The following DOK5 variants were observed in gnomAD, a reference collection of about 807,000 sequenced individuals.
The protein encoded by DOK5 is docking protein 5.
Under a neutral mutation model 43.3 loss-of-function variants are expected in DOK5, and 27 were observed. That is an observed-to-expected ratio of 0.62 (90% confidence interval 0.46 to 0.86). The LOEUF (loss-of-function observed/expected upper bound fraction) is 0.86, where lower values mean the gene tolerates loss of function less well. DOK5 is among the 40% of genes least tolerant of loss of function. The probability of loss-of-function intolerance (pLI) is 0.00; values close to 1 mark genes in which losing one functional copy is unlikely to be tolerated. For missense variants in DOK5, 373 were observed against 392.9 expected, an observed-to-expected ratio of 0.95 and a Z score of 0.43; for synonymous variants, 146 against 140.1, an observed-to-expected ratio of 1.04 and a Z score of -0.30.
At chr20:54,646,282 T>A (rs1428324118) in intron 7 of DOK5, among the ~76,000 whole-genome samples, 3 of 113,540 alleles carry the variant, frequency 2.6e-5, no homozygotes, top group African/African-American at 6.2e-5. Flanking sequence ...TGAGACAGGG[T>A]CTGGCTCTTC....
chr20:54,518,559 A>T (rs189887246), intron 1 of DOK5, among the ~76,000 whole-genome samples: 1 of 152,248 alleles, frequency 6.6e-6, no homozygotes, highest in Admixed American at 6.5e-5. Context: ...AGTCTTTGCT[A>T]TTGTGAATAG....
intron 1 of DOK5, among the ~76,000 whole-genome samples, chr20:54,486,541 G>A (rs1981940662): frequency 6.6e-6 from 1 of 151,508 alleles, no homozygotes; most frequent in Non-Finnish European, 1.5e-5. Flanking sequence ...ATCTTTCTGG[G>A]ATACTTTCTC....
chr20:54,632,525 G>A (rs1396025173), intron 6 of DOK5, among the ~76,000 whole-genome samples: 3 of 152,160 alleles, frequency 2.0e-5, no homozygotes, highest in South Asian at 2.1e-4. Flanking sequence ...GCTGCAAAGC[G>A]AGAACTATTT....
chr20:54,498,109 C>T (rs1982467736), intron 1 of DOK5, among the ~76,000 whole-genome samples: 1 of 152,132 alleles, frequency 6.6e-6, no homozygotes, highest in African/African-American at 2.4e-5. Flanking sequence ...TGGAGAGCAA[C>T]AGATCATGTT....
chr20:54,489,280 A>C (rs780483112), intron 1 of DOK5, among the ~76,000 whole-genome samples: 8 of 152,190 alleles, frequency 5.3e-5, no homozygotes, highest in Non-Finnish European at 7.3e-5. Context: ...TACAAAGTTT[A>C]TACACCAAAG....
At position 54,646,293 on chromosome 20, in the gene DOK5, G is replaced by A. The variant is rs141572110; in HGVS notation, c.856+2715G>A. ...TTTTTGAGACAGGGTCTGGCTCTTC[G>A]CCTAGGCTGGAGTGCAGTGGTGCGA... On this transcript the variant is annotated intron_variant, in intron 7 of 7. Coordinates refer to ENST00000262593, the MANE Select transcript of DOK5 (RefSeq NM_018431.5). 6.8e-3 allele frequency among the ~76,000 whole-genome samples: 730 copies of A among 107,450 alleles called. 7 individuals carry two copies. The highest frequency in any genetic ancestry group is 0.026 in the African/African-American group (686 of 26,512). The allele number at this position is 107,450 out of a possible 152,430, so 70.5% of individuals were successfully genotyped here. A position where few individuals can be genotyped will look rare whatever the true frequency, so the allele number is the denominator to read the frequency against.
intron 6 of DOK5, among the ~76,000 whole-genome samples, chr20:54,614,247 C>T (rs569449822): frequency 1.3e-4 from 20 of 151,960 alleles, no homozygotes; most frequent in African/African-American, 3.1e-4. Context: ...ACTTTCTTTT[C>T]GAACTAATAC....
intron 1 of DOK5, among the ~76,000 whole-genome samples, chr20:54,551,617 C>T (rs1433225510): frequency 2.6e-5 from 4 of 152,140 alleles, no homozygotes; most frequent in African/African-American, 9.7e-5. Flanking sequence ...TTCCACCCCC[C>T]TCCATGGATG....
rs199721722 is a variant in DOK5 at position 54,646,672 on chromosome 20, A to T, written c.856+3094A>T. On this transcript the variant is annotated intron_variant, in intron 7 of 7. Coordinates refer to ENST00000262593, the MANE Select transcript of DOK5 (RefSeq NM_018431.5). ...GTGGCTATTTAAACAAGTACATTTA[A>T]AAAAAAAGTTTTATTCTTCTACCTA... Among the ~76,000 whole-genome samples the T allele has an allele frequency of 1.3e-3, 199 of 152,256 alleles. 2 individuals are homozygous for T. The highest frequency in any genetic ancestry group is 6.8e-3 in the Middle Eastern group (2 of 294).
At chr20:54,476,113 CGGA>C (rs1218562777) in intron 1 of DOK5, 101 bp downstream of exon 1, 7 of 1,564,960 alleles carry the variant, frequency 4.5e-6, no homozygotes, top group Non-Finnish European at 6.1e-6. Context: ...GGCCGCGCGC[CGGA>C]GAATTGCGCG....
At chr20:54,490,872 G>T (rs1360643081) in intron 1 of DOK5, among the ~76,000 whole-genome samples, 4 of 152,236 alleles carry the variant, frequency 2.6e-5, no homozygotes. Context: ...ACAGGCGTGA[G>T]CCACCGCGCC....
intron 1 of DOK5, among the ~76,000 whole-genome samples, chr20:54,482,873 A>G (rs1446250272): frequency 6.6e-6 from 1 of 152,214 alleles, no homozygotes; most frequent in Non-Finnish European, 1.5e-5. Context: ...GCAACTATTC[A>G]GTAAGATATG....
chr20:54,581,595 A>G (rs1336754247), intron 2 of DOK5, among the ~76,000 whole-genome samples: 1 of 151,838 alleles, frequency 6.6e-6, no homozygotes, highest in African/African-American at 2.4e-5. Flanking sequence ...GTGTACAAAT[A>G]TTTCATCCAC....
intron 6 of DOK5, among the ~76,000 whole-genome samples, chr20:54,618,094 A>G (rs1436114900): frequency 1.3e-5 from 2 of 152,206 alleles, no homozygotes; most frequent in African/African-American, 2.4e-5. Context: ...AGGGCTTACA[A>G]TGGAAAAGAA....
intron 4 of DOK5, among the ~76,000 whole-genome samples, chr20:54,590,894 C>T: frequency 6.6e-6 from 1 of 152,282 alleles, no homozygotes; most frequent in East Asian, 1.9e-4. Context: ...AGAAATATAA[C>T]AGAAATATGG....
intron 5 of DOK5, among the ~76,000 whole-genome samples, chr20:54,608,898 C>T (rs1319455838): frequency 1.3e-5 from 2 of 152,128 alleles, no homozygotes; most frequent in African/African-American, 4.8e-5. Flanking sequence ...TGGTCTCGAA[C>T]TCCTGACCTT....
At chr20:54,627,729 T>C (rs1978364906) in intron 6 of DOK5, among the ~76,000 whole-genome samples, 2 of 152,180 alleles carry the variant, frequency 1.3e-5, no homozygotes, top group South Asian at 4.1e-4. Flanking sequence ...GATTTCGGGG[T>C]TCCACTTGAG....
intron 6 of DOK5, among the ~76,000 whole-genome samples, chr20:54,630,820 G>A (rs971287407): frequency 1.3e-5 from 2 of 152,098 alleles, no homozygotes; most frequent in African/African-American, 4.8e-5. Flanking sequence ...CAATTTTTGA[G>A]TCAGTCTAAA....
intron 1 of DOK5, among the ~76,000 whole-genome samples, chr20:54,476,411 G>A (rs1981428567): frequency 6.6e-6 from 1 of 152,172 alleles, no homozygotes; most frequent in African/African-American, 2.4e-5. Context: ...TGGATCGGCT[G>A]GTTGAGAAAG....
Sources: allele counts gnomAD v4.1 joint callset (sites outside exome capture counted in the v4.1 genomes callset), GRCh38; gene constraint gnomAD v4.1.1; transcripts MANE v1.5; gene names NCBI Gene and HGNC (gene_info 2026-07-23, HGNC 2026-07-21).